SLC24A3: variants seen among roughly 807,000 people sequenced by gnomAD.
The protein encoded by SLC24A3 is sodium/potassium/calcium exchanger 3.
In SLC24A3, 28 loss-of-function variants were observed where a neutral mutation model predicts 75.8. The observed-to-expected ratio is 0.37, with a 90% CI of 0.27 to 0.51. The LOEUF (loss-of-function observed/expected upper bound fraction) is 0.51. Ranked by LOEUF, SLC24A3 falls within the 20% of genes least tolerant of loss-of-function variation. The pLI is 0.94. For missense variants in SLC24A3, 663 were observed against 847.8 expected, an observed-to-expected ratio of 0.78 and a Z score of 2.71; for synonymous variants, 372 against 334.1, an observed-to-expected ratio of 1.11 and a Z score of -1.24.
intron 3 of SLC24A3, among the ~76,000 whole-genome samples, chr20:19,551,973 A>G (rs1481346802): frequency 2.6e-5 from 4 of 152,322 alleles, no homozygotes; most frequent in South Asian, 4.1e-4. Context: ...CACTGACTGT[A>G]TGTGGGGCTA....
intron 2 of SLC24A3, among the ~76,000 whole-genome samples, chr20:19,316,058 T>C (rs1984577963): frequency 6.6e-6 from 1 of 152,194 alleles, no homozygotes; most frequent in African/African-American, 2.4e-5. Flanking sequence ...ATAGCATGGC[T>C]GGGGGCGGCA....
intron 12 of SLC24A3, among the ~76,000 whole-genome samples, chr20:19,691,468 T>C (rs369251438): frequency 4.3e-4 from 66 of 152,296 alleles, no homozygotes; most frequent in African/African-American, 1.5e-3. Flanking sequence ...TGGGGAGACC[T>C]GATTTTACTC....
At chr20:19,333,882 A>G (rs988496272) in intron 2 of SLC24A3, among the ~76,000 whole-genome samples, 1 of 152,172 alleles carries the variant, frequency 6.6e-6, no homozygotes, top group Non-Finnish European at 1.5e-5. Context: ...TTAAGCTGGA[A>G]TAATGTGTGA....
intron 2 of SLC24A3, among the ~76,000 whole-genome samples, chr20:19,356,649 C>T (rs1245794057): frequency 6.6e-6 from 1 of 152,146 alleles, no homozygotes; most frequent in Non-Finnish European, 1.5e-5. Flanking sequence ...ACAGAACATT[C>T]TTGTGGGTGT....
intron 3 of SLC24A3, among the ~76,000 whole-genome samples, chr20:19,531,774 G>C (rs909644098): frequency 3.3e-5 from 5 of 152,164 alleles, no homozygotes; most frequent in Admixed American, 3.3e-4. Context: ...GTATGAACTG[G>C]GAAACGTTAG....
chr20:19,322,428 T>A (rs1364423881), intron 2 of SLC24A3, among the ~76,000 whole-genome samples: 1 of 150,488 alleles, frequency 6.6e-6, no homozygotes. Flanking sequence ...CCTTCTTTCC[T>A]TACATCCGTT....
intron 6 of SLC24A3, among the ~76,000 whole-genome samples, chr20:19,639,613 C>A (rs944043911): frequency 7.9e-5 from 12 of 152,248 alleles, no homozygotes; most frequent in Non-Finnish European, 1.5e-4. Flanking sequence ...CCTGCCAGTC[C>A]GGCGCGCTGT....
chr20:19,422,889 C>T (rs933189571), intron 2 of SLC24A3, among the ~76,000 whole-genome samples: 6 of 152,168 alleles, frequency 3.9e-5, no homozygotes, highest in Admixed American at 2.0e-4. Flanking sequence ...GCCTGCAGGC[C>T]TCTGATGGAA....
At position 19,517,998 on chromosome 20, in the gene SLC24A3, C is replaced by T. The variant is rs2030029555; in HGVS notation, c.348+2434C>T. 2.6e-5 allele frequency among the ~76,000 whole-genome samples: 4 copies of T among 152,324 alleles called. No homozygotes were observed. The South Asian group carries it at 8.3e-4, about 32-fold the overall frequency. ...AATGTAAGCCCCAATAAAGAAGCCCCTTCGTACTGTGTCCAGCCATTGAAT... is the reference window on the plus strand; with the variant it reads ...AATGTAAGCCCCAATAAAGAAGCCCTTTCGTACTGTGTCCAGCCATTGAAT... On this transcript the variant is annotated intron_variant, in intron 3 of 16. Transcript: ENST00000328041.
chr20:19,600,861 A>G (rs1020152710), intron 6 of SLC24A3, among the ~76,000 whole-genome samples: 2 of 152,048 alleles, frequency 1.3e-5, no homozygotes, highest in Non-Finnish European at 2.9e-5. Context: ...GGGTCTCCCT[A>G]TGTTGCTTAG....
chr20:19,478,378 G>A (rs937705653), intron 2 of SLC24A3, among the ~76,000 whole-genome samples: 1 of 152,166 alleles, frequency 6.6e-6, no homozygotes, highest in South Asian at 2.1e-4. Flanking sequence ...CTTGTTCTCG[G>A]CATGATCTTT....
intron 2 of SLC24A3, among the ~76,000 whole-genome samples, chr20:19,513,579 G>A (rs2029923600): frequency 6.6e-6 from 1 of 152,078 alleles, no homozygotes; most frequent in South Asian, 2.1e-4. Flanking sequence ...GTTCAGAGGG[G>A]CTCTGTGCAG....
intron 2 of SLC24A3, among the ~76,000 whole-genome samples, chr20:19,395,124 G>A (rs754962021): frequency 5.3e-5 from 8 of 152,154 alleles, no homozygotes; most frequent in Non-Finnish European, 2.9e-5. Context: ...CTTATGTGTG[G>A]CATCAGGTAC....
At chr20:19,457,304 A>T (rs904722791) in intron 2 of SLC24A3, among the ~76,000 whole-genome samples, 1 of 152,150 alleles carries the variant, frequency 6.6e-6, no homozygotes, top group Non-Finnish European at 1.5e-5. Context: ...GGGGCAAATC[A>T]TGTTACCACC....
chr20:19,606,196 T>C (rs771357220), intron 6 of SLC24A3, among the ~76,000 whole-genome samples: 44 of 152,228 alleles, frequency 2.9e-4, no homozygotes, highest in Admixed American at 1.2e-3. Context: ...CAGACCTGCC[T>C]GCCTGCCTGT....
At chr20:19,379,076 A>G (rs1467797142) in intron 2 of SLC24A3, among the ~76,000 whole-genome samples, 1 of 152,070 alleles carries the variant, frequency 6.6e-6, no homozygotes, top group Non-Finnish European at 1.5e-5. Context: ...AGAAATGGAA[A>G]ATTACCATTT....
At chr20:19,487,221 T>G (rs1221377422) in intron 2 of SLC24A3, among the ~76,000 whole-genome samples, 1 of 152,170 alleles carries the variant, frequency 6.6e-6, no homozygotes, top group Non-Finnish European at 1.5e-5. Context: ...TTGAATTGAA[T>G]TAAATGCCCT....
At chr20:19,301,959 A>C (rs1390602877) in intron 2 of SLC24A3, among the ~76,000 whole-genome samples, 1 of 152,244 alleles carries the variant, frequency 6.6e-6, no homozygotes, top group East Asian at 1.9e-4. Flanking sequence ...CAAGGGACAA[A>C]GTAAAGGAAC....
Position 19,346,079 on chromosome 20 carries a change from A to G in SLC24A3, c.271+64992A>G, listed in dbSNP as rs1387828105. On this transcript the variant is annotated intron_variant, in intron 2 of 16. Transcript: ENST00000328041. ...TAAAGAAAACTATATATATATATAT[A>G]TATATATATATATATATATATATAT... Among the ~76,000 whole-genome samples, 14 of 64,380 alleles carry G rather than the reference A, an allele frequency of 2.2e-4. 3 individuals are homozygous for G. Among genetic ancestry groups the G allele is most frequent in the African/African-American group, 1.5e-3 (11 of 7,102 alleles). 42.2% of individuals were successfully genotyped at this position (64,380 alleles called of 152,430 possible).
Sources: gnomAD v4.1 joint callset for allele counts (sites outside exome capture counted in the v4.1 genomes callset) on GRCh38, gnomAD v4.1.1 for gene constraint, MANE v1.5 for transcripts, NCBI Gene and HGNC (gene_info 2026-07-23, HGNC 2026-07-21) for gene names.